Variants in ZNF225 observed in about 807,000 individuals in gnomAD.
ZNF225 encodes zinc finger protein 225.
ZNF225 carries 6 observed loss-of-function variants against 12.0 expected under a neutral mutation model. The ratio of observed to expected loss-of-function variants is 0.50; its 90% CI spans 0.27 to 0.98. The LOEUF (loss-of-function observed/expected upper bound fraction) is 0.98, where lower values mean the gene tolerates loss of function less well. ZNF225 is among the 50% of genes least tolerant of loss of function. The pLI is 0.11. For synonymous variants in ZNF225, 271 were observed against 283.2 expected (o/e 0.96, Z 0.43); for missense variants, 763 against 848.2 (o/e 0.90, Z 1.25).
At chr19:44,124,274 A>G (rs112937127) in intron 4 of ZNF225, among the ~76,000 whole-genome samples, 1,969 of 152,244 alleles carry the variant, frequency 0.013, 30 homozygotes, top group African/African-American at 0.044. Context: ...TTTTGACCCA[A>G]TGGTCATTCA....
chr19:44,128,234 C>G (rs780438216), intron 4 of ZNF225, among the ~76,000 whole-genome samples: 1 of 152,188 alleles, frequency 6.6e-6, no homozygotes, highest in Admixed American at 6.5e-5. Flanking sequence ...TTCTAGTCAT[C>G]TTTGTTTGAT....
chr19:44,127,682 C>G (rs1968176156), intron 4 of ZNF225, among the ~76,000 whole-genome samples: 2 of 152,120 alleles, frequency 1.3e-5, no homozygotes, highest in South Asian at 4.2e-4. Flanking sequence ...GAGTCTGCCT[C>G]TGTCACACAG....
chr19:44,111,788 A>T (rs1015714127), upstream of ZNF225, among the ~76,000 whole-genome samples: 3 of 152,226 alleles, frequency 2.0e-5, no homozygotes, highest in African/African-American at 7.2e-5. Context: ...GGACAACAGT[A>T]GTGATTGCTT....
chr19:44,132,751 A>G lies in ZNF225; in HGVS notation c.*16A>G, dbSNP rs990674448. ...TGACACATAACTGTTGTACTCATTT[A>G]TGGGGTACAGTGTGATAGTTAATGC... On this transcript the variant is annotated 3_prime_UTR_variant, in exon 5 of 5. Transcript: ENST00000262894. 1 of 1,545,972 alleles carries G rather than the reference A, an allele frequency of 6.5e-7. No individual in the cohort carries two copies. The highest frequency in any genetic ancestry group is 8.7e-7 in the Non-Finnish European group (1 of 1,146,486).
intron 3 of ZNF225, 33 bp downstream of exon 3, chr19:44,118,347 A>G: frequency 6.2e-7 from 1 of 1,609,494 alleles, no homozygotes; most frequent in Non-Finnish European, 8.5e-7. Flanking sequence ...AGGGAACATC[A>G]GGACCAGGAG....
At chr19:44,114,001 C>G (rs1287415087) in intron 1 of ZNF225, 1 of 300,378 alleles carries the variant, frequency 3.3e-6, no homozygotes, top group African/African-American at 2.2e-5. Context: ...CTCCCTGATT[C>G]CTGCAAGACG....
intron 3 of ZNF225, 71 bp downstream of exon 3, chr19:44,118,385 T>C: frequency 6.2e-7 from 1 of 1,610,498 alleles, no homozygotes; most frequent in East Asian, 2.2e-5. Flanking sequence ...GTGTTCAAGT[T>C]TGAGTATGCA....
In ZNF225 at chr19:44,131,860, T is replaced by G; in HGVS notation, c.1246T>G (p.Tyr416Asp). ...GKGFYTNSQR[Y>D]SHQRAHSGEK... ...GGGATTTTATACAAATTCACAACGT[T>G]ATTCTCACCAGAGAGCGCACAGTGG... The change falls in exon 5 of 5, where the codon TAT (tyrosine) becomes GAT (aspartate). Residue 416 changes from tyrosine to aspartate, a missense_variant. Transcript: ENST00000262894. The G allele has an allele frequency of 6.2e-7, 1 of 1,614,116 alleles. No homozygotes were observed. Among genetic ancestry groups the G allele is most frequent in the East Asian group, 2.2e-5 (1 of 44,866 alleles).
rs1599685243 is a variant in ZNF225, at chr19:44,134,290, C to T, written c.*1555C>T. 1 of 152,170 alleles carries T rather than the reference C, an allele frequency of 6.6e-6. No individual in the cohort carries two copies. Among genetic ancestry groups the T allele is most frequent in the East Asian group, 1.9e-4 (1 of 5,186 alleles). 9.4% of individuals were successfully genotyped at this position (152,170 alleles called of 1,614,324 possible). ...CCCGTACCAAAGGTTCTTATTGGAACTAATCATGTAGGTACCATCCCTCTG... is the reference window on the plus strand; with the variant it reads ...CCCGTACCAAAGGTTCTTATTGGAATTAATCATGTAGGTACCATCCCTCTG... On this transcript the variant is annotated 3_prime_UTR_variant, in exon 5 of 5. Transcript: ENST00000262894.
intron 4 of ZNF225, among the ~76,000 whole-genome samples, chr19:44,127,797 C>T (rs1410624601): frequency 5.9e-5 from 9 of 151,890 alleles, no homozygotes; most frequent in African/African-American, 2.2e-4. Flanking sequence ...TGCCACCATG[C>T]CCAGCTAATT....
At chr19:44,121,144 G>T (rs576639783) in intron 4 of ZNF225, among the ~76,000 whole-genome samples, 2 of 152,040 alleles carry the variant, frequency 1.3e-5, no homozygotes, top group South Asian at 4.1e-4. Flanking sequence ...TGATCCACCC[G>T]CCTCGGCCTC....
At chr19:44,125,755 T>C (rs1968134701) in intron 4 of ZNF225, among the ~76,000 whole-genome samples, 1 of 152,212 alleles carries the variant, frequency 6.6e-6, no homozygotes. Context: ...TCTTTGTCTT[T>C]GTTGGATTGG....
chr19:44,132,286 C>G lies in ZNF225; in HGVS notation c.1672C>G (p.His558Asp). The change falls in exon 5 of 5, where the codon CAC becomes GAC. Residue 558 changes from histidine (H) to aspartate (D), a missense_variant. His to Asp is a moderately conservative substitution (Grantham distance 81). Transcript: ENST00000262894. The stretch of plus-strand genomic sequence containing the variant: ...CAACAGTAAGTTTAATCTTGACATG[C>G]ACCAGAGGGTCCACACCGGAGAGAG... ...GFNSKFNLDM[H>D]QRVHTGERPY... 1 of 1,613,960 alleles carries G rather than the reference C, an allele frequency of 6.2e-7. No individual in the cohort carries two copies. Among genetic ancestry groups the G allele is most frequent in the Non-Finnish European group, 8.5e-7 (1 of 1,180,002 alleles).
chr19:44,129,002 T>G, intron 4 of ZNF225: 1 of 1,199,296 alleles, frequency 8.3e-7, no homozygotes, highest in Non-Finnish European at 1.0e-6. Flanking sequence ...CAACTTTCAT[T>G]GTCTCATCAG....
At chr19:44,115,583 AATTTGTCTATCC>A (rs1967926914) in intron 1 of ZNF225, 165 bp from the exon 2 acceptor site, 1 of 402,528 alleles carries the variant, frequency 2.5e-6, no homozygotes, top group African/African-American at 2.0e-5. Flanking sequence ...GATAGGCCAC[AATTTGTCTATCC>A]ATGTACGCAT....
At chr19:44,119,991 G>A (rs529775111) in intron 4 of ZNF225, among the ~76,000 whole-genome samples, 1 of 152,124 alleles carries the variant, frequency 6.6e-6, no homozygotes, top group Non-Finnish European at 1.5e-5. Flanking sequence ...GACCAAGGTG[G>A]GTGGATCACT....
chr19:44,114,016 G>A (rs1967884681), intron 1 of ZNF225: 2 of 318,974 alleles, frequency 6.3e-6, no homozygotes, highest in South Asian at 9.1e-5. Flanking sequence ...AAGACGCTGG[G>A]TGATCCCGGA....
intron 4 of ZNF225, chr19:44,128,701 T>C (rs556190661): frequency 1.3e-3 from 292 of 226,828 alleles, no homozygotes; most frequent in Non-Finnish European, 1.9e-3. Context: ...TGTAGATGTG[T>C]ATGAGTACCT....
chr19:44,118,856 G>C (rs760144380), intron 4 of ZNF225, among the ~76,000 whole-genome samples: 74 of 148,458 alleles, frequency 5.0e-4, no homozygotes, highest in Non-Finnish European at 8.7e-4. Flanking sequence ...TCGCTGTGTC[G>C]CCCAGGCTGG....
Sources: gnomAD v4.1 joint callset for allele counts (sites outside exome capture counted in the v4.1 genomes callset) on GRCh38, gnomAD v4.1.1 for gene constraint, MANE v1.5 for transcripts, NCBI Gene and HGNC (gene_info 2026-07-23, HGNC 2026-07-21) for gene names.